MCC: variants seen among roughly 807,000 people sequenced by gnomAD.
The protein encoded by MCC is colorectal mutant cancer protein.
MCC carries 90 observed loss-of-function variants against 116.2 expected under a neutral mutation model. The ratio of observed to expected loss-of-function variants is 0.77; its 90% CI spans 0.65 to 0.92. MCC has a LOEUF of 0.92. Among genes scored for constraint, MCC ranks in the 40% least tolerant of loss-of-function variants. The pLI is 0.00. For missense variants in MCC, 1,516 were observed against 1,312.2 expected, an observed-to-expected ratio of 1.16 and a Z score of -2.40; for synonymous variants, 578 against 510.5, an observed-to-expected ratio of 1.13 and a Z score of -1.78.
At chr5:113,065,247 C>T (rs192790978) in intron 13 of MCC, among the ~76,000 whole-genome samples, 115 of 152,186 alleles carry the variant, frequency 7.6e-4, no homozygotes, top group Non-Finnish European at 1.4e-3. Flanking sequence ...ATATACTACC[C>T]TGGTGGGGGA....
intron 2 of MCC, among the ~76,000 whole-genome samples, chr5:113,378,683 TCCC>T: frequency 6.6e-6 from 1 of 152,172 alleles, no homozygotes; most frequent in Non-Finnish European, 1.5e-5. Flanking sequence ...CCTCAGGCAA[TCCC>T]TGCCCCTTCA....
At position 113,095,710 on chromosome 5, in the gene MCC, T is replaced by C. The variant is rs73778921; in HGVS notation, c.1398+6029A>G. Among the ~76,000 whole-genome samples, 167 of 152,112 alleles carry C rather than the reference T, an allele frequency of 1.1e-3. 1 individual carries two copies. Among genetic ancestry groups the C allele is most frequent in the African/African-American group, 3.9e-3 (161 of 41,488 alleles). On this transcript the variant is annotated intron_variant, in intron 8 of 18. Transcript: ENST00000408903. Reference sequence around the variant, plus strand: ...ATTAAAAAAAAAAAAATTTTTTTTTTGGTAGAACAGAGGTCTTGCTATGTT... The same window carrying C: ...ATTAAAAAAAAAAAAATTTTTTTTTCGGTAGAACAGAGGTCTTGCTATGTT...
rs115754616 is a variant in MCC, at chr5:113,308,931, C to T, written c.627+31588G>A. Reference sequence around the variant, plus strand: ...GGACTAACATTTTGATTTTGCACAACCAAGGTTTCTAAAATCTTCCTCCAT... The same window carrying T: ...GGACTAACATTTTGATTTTGCACAATCAAGGTTTCTAAAATCTTCCTCCAT... On this transcript the variant is annotated intron_variant, in intron 3 of 18. Transcript: ENST00000408903. Among the ~76,000 whole-genome samples the T allele has an allele frequency of 2.2e-3, 330 of 152,246 alleles. 2 individuals carry two copies. The highest frequency in any genetic ancestry group is 7.3e-3 in the African/African-American group (304 of 41,550).
intron 3 of MCC, among the ~76,000 whole-genome samples, chr5:113,171,199 G>A (rs1561424481): frequency 1.3e-5 from 2 of 151,830 alleles, no homozygotes; most frequent in African/African-American, 4.8e-5. Context: ...CCATTCTCTT[G>A]AACCTAAAGA....
chr5:113,045,657 G>C (rs1752021898), intron 16 of MCC, among the ~76,000 whole-genome samples: 1 of 152,032 alleles, frequency 6.6e-6, no homozygotes, highest in African/African-American at 2.4e-5. Flanking sequence ...AAATTAACCA[G>C]GCATGGTGGC....
At chr5:113,435,040 G>C in intron 1 of MCC, 1 of 615,844 alleles carries the variant, frequency 1.6e-6, no homozygotes, top group Non-Finnish European at 2.8e-6. Context: ...AAGTCACAAA[G>C]GAGGAGTGCC....
At chr5:113,062,435 G>GC (rs1328761315) in intron 14 of MCC, among the ~76,000 whole-genome samples, 1 of 152,160 alleles carries the variant, frequency 6.6e-6, no homozygotes, top group African/African-American at 2.4e-5. Context: ...CATTCTTTTT[G>GC]GGGGTAGGGA....
At chr5:113,209,720 G>C (rs1257207842) in intron 3 of MCC, among the ~76,000 whole-genome samples, 3 of 152,132 alleles carry the variant, frequency 2.0e-5, no homozygotes, top group Non-Finnish European at 4.4e-5. Flanking sequence ...TAGTGTCAGT[G>C]GGTCAGGAGC....
intron 3 of MCC, among the ~76,000 whole-genome samples, chr5:113,304,764 G>GT (rs1049663459): frequency 7.9e-5 from 12 of 151,708 alleles, no homozygotes; most frequent in Non-Finnish European, 1.6e-4. Flanking sequence ...ATCCAAGGAA[G>GT]TTAAAAAAAA....
chr5:113,164,739 C>G (rs1363130311), intron 3 of MCC, among the ~76,000 whole-genome samples: 2 of 152,218 alleles, frequency 1.3e-5, no homozygotes, highest in Non-Finnish European at 2.9e-5. Context: ...CAGGGTCACA[C>G]ATTTTGAGAT....
At chr5:113,254,744 A>G (rs1764943341) in intron 3 of MCC, among the ~76,000 whole-genome samples, 1 of 152,154 alleles carries the variant, frequency 6.6e-6, no homozygotes, top group Non-Finnish European at 1.5e-5. Context: ...AGGGAGTGGT[A>G]TTGGAGCCTC....
intron 4 of MCC, among the ~76,000 whole-genome samples, chr5:113,147,867 A>G (rs952864877): frequency 6.6e-6 from 1 of 152,214 alleles, no homozygotes; most frequent in Non-Finnish European, 1.5e-5. Flanking sequence ...TATCTCAGAA[A>G]ACAAGAGAAA....
intron 3 of MCC, among the ~76,000 whole-genome samples, chr5:113,198,592 T>C (rs1411082402): frequency 4.0e-5 from 6 of 149,302 alleles, no homozygotes; most frequent in African/African-American, 7.4e-5. Flanking sequence ...TGGTCCCAGC[T>C]ACTCGGCAGG....
At position 113,333,804 on chromosome 5, in the gene MCC, T is replaced by TATATGTACATATATGTAC. The variant is rs1561527696; in HGVS notation, c.627+6714_627+6715insGTACATATATGTACATAT. On this transcript the variant is annotated intron_variant, in intron 3 of 18. Coordinates refer to ENST00000408903, the MANE Select transcript of MCC (RefSeq NM_001085377.2). The stretch of plus-strand genomic sequence containing the variant: ...TCATATATATTTATATATATATGTA[T>TATATGTACATATATGTAC]ATATGTATATATGTACATATATGTA... 5.3e-4 allele frequency among the ~76,000 whole-genome samples: 57 copies of TATATGTACATATATGTAC among 108,056 alleles called. 5 individuals carry two copies. Among genetic ancestry groups the TATATGTACATATATGTAC allele is most frequent in the African/African-American group, 1.1e-3 (30 of 27,346 alleles). 70.9% of individuals were successfully genotyped at this position (108,056 alleles called of 152,430 possible).
At chr5:113,058,297 T>C (rs558452302) in intron 14 of MCC, among the ~76,000 whole-genome samples, 30 of 152,326 alleles carry the variant, frequency 2.0e-4, no homozygotes, top group Non-Finnish European at 3.8e-4. Context: ...TGGCAGATTT[T>C]CCATTTAGCA....
chr5:113,479,672 A>G (rs944141603), intron 1 of MCC, among the ~76,000 whole-genome samples: 2 of 152,180 alleles, frequency 1.3e-5, no homozygotes, highest in Non-Finnish European at 2.9e-5. Flanking sequence ...AATATGAAAT[A>G]GGATCATATT....
chr5:113,339,508 AT>A (rs1160958778), intron 3 of MCC, among the ~76,000 whole-genome samples: 1 of 150,948 alleles, frequency 6.6e-6, no homozygotes, highest in East Asian at 1.9e-4. Context: ...TATGCATTCC[AT>A]TTAGTTGTCG....
chr5:113,336,540 T>C (rs747781624), intron 3 of MCC, among the ~76,000 whole-genome samples: 9 of 148,226 alleles, frequency 6.1e-5, no homozygotes, highest in Non-Finnish European at 1.0e-4. Flanking sequence ...TTGGTCCTCA[T>C]GAGTTCTGGT....
intron 1 of MCC, among the ~76,000 whole-genome samples, chr5:113,471,998 T>A (rs1475537597): frequency 1.3e-5 from 2 of 152,168 alleles, no homozygotes; most frequent in African/African-American, 4.8e-5. Flanking sequence ...TGCCGTTTTT[T>A]AAGCCCGTTG....
Sources: gnomAD v4.1 joint callset for allele counts (sites outside exome capture counted in the v4.1 genomes callset) on GRCh38, gnomAD v4.1.1 for gene constraint, MANE v1.5 for transcripts, NCBI Gene and HGNC (gene_info 2026-07-23, HGNC 2026-07-21) for gene names.